ST18: variants seen among roughly 807,000 people sequenced by gnomAD.
The protein encoded by ST18 is ST18 C2H2C-type zinc finger transcription factor, also known as suppression of tumorigenicity 18 protein.
A neutral mutation model predicts 110.0 loss-of-function variants in ST18; 50 were observed. That is an observed-to-expected ratio of 0.45 (90% CI 0.36 to 0.58). The LOEUF (loss-of-function observed/expected upper bound fraction) is 0.58. Among genes scored for constraint, ST18 ranks in the 20% least tolerant of loss-of-function variants. ST18 has a pLI of 0.00. For synonymous variants in ST18, 461 were observed against 452.4 expected (o/e 1.02, Z -0.24); for missense variants, 1,306 against 1,280.1 (o/e 1.02, Z -0.31).
chr8:52,127,409 T>TA (rs1446085811), intron 22 of ST18, among the ~76,000 whole-genome samples: 1 of 152,234 alleles, frequency 6.6e-6, no homozygotes, highest in East Asian at 1.9e-4. Context: ...CTGTGGCCTA[T>TA]AAAAGTTTCA....
intron 17 of ST18, among the ~76,000 whole-genome samples, chr8:52,138,159 A>T (rs2053286915): frequency 6.6e-6 from 1 of 152,020 alleles, no homozygotes; most frequent in Non-Finnish European, 1.5e-5. Context: ...AATATTAGAA[A>T]CCCATGCTTT....
intron 2 of ST18, among the ~76,000 whole-genome samples, chr8:52,239,361 A>G (rs2093131791): frequency 6.6e-6 from 1 of 152,216 alleles, no homozygotes; most frequent in Non-Finnish European, 1.5e-5. Context: ...TGTGAATTAT[A>G]TCTCAAGAAA....
At chr8:52,329,747 C>T (rs1483857783) in intron 2 of ST18, among the ~76,000 whole-genome samples, 2 of 151,852 alleles carry the variant, frequency 1.3e-5, no homozygotes, top group African/African-American at 2.4e-5. Flanking sequence ...GGCCACAGAG[C>T]GAGGCTCTGT....
At chr8:52,329,741 A>G (rs1250265321) in intron 2 of ST18, among the ~76,000 whole-genome samples, 1 of 152,180 alleles carries the variant, frequency 6.6e-6, no homozygotes, top group Non-Finnish European at 1.5e-5. Flanking sequence ...AGCCTGGGCC[A>G]CAGAGCGAGG....
intron 2 of ST18, among the ~76,000 whole-genome samples, chr8:52,259,029 T>C (rs1345065934): frequency 1.3e-5 from 2 of 152,178 alleles, no homozygotes; most frequent in Non-Finnish European, 2.9e-5. Flanking sequence ...ACCTCATCCC[T>C]AGCTGTCCCT....
At chr8:52,368,946 C>T (rs930220342) in intron 2 of ST18, among the ~76,000 whole-genome samples, 1 of 152,164 alleles carries the variant, frequency 6.6e-6, no homozygotes, top group African/African-American at 2.4e-5. Context: ...CTCTTACATC[C>T]TGTTCCACTG....
intron 17 of ST18, among the ~76,000 whole-genome samples, chr8:52,141,215 C>G (rs532427663): frequency 6.6e-6 from 1 of 152,290 alleles, no homozygotes; most frequent in South Asian, 2.1e-4. Context: ...CGCTCACATA[C>G]CAGTAGGGCA....
rs150459175 is a variant in ST18, at chr8:52,139,442, G to A, written c.2169-1959C>T. On this transcript the variant is annotated intron_variant, in intron 17 of 25. Transcript: ENST00000689386. Reference sequence around the variant, plus strand: ...GCAATCTCGGCTCACTGCAAACTTCGCCTCCTGGGCTCAAGCGATTCTCCT... The same window carrying A: ...GCAATCTCGGCTCACTGCAAACTTCACCTCCTGGGCTCAAGCGATTCTCCT... Among the ~76,000 whole-genome samples the A allele has an allele frequency of 3.7e-3, 567 of 151,830 alleles. 3 individuals carry two copies. The highest frequency in any genetic ancestry group is 0.013 in the African/African-American group (531 of 41,388).
At chr8:52,163,078 C>T (rs1281209461) in intron 13 of ST18, among the ~76,000 whole-genome samples, 2 of 152,190 alleles carry the variant, frequency 1.3e-5, no homozygotes, top group Non-Finnish European at 2.9e-5. Flanking sequence ...AACTAACTTA[C>T]TTGGGGAGAA....
chr8:52,268,004 A>G (rs1194167257), intron 2 of ST18, among the ~76,000 whole-genome samples: 1 of 152,202 alleles, frequency 6.6e-6, no homozygotes, highest in African/African-American at 2.4e-5. Context: ...ACCCCAAAAT[A>G]TGAACGTGGT....
rs376858481 is a variant in ST18, at chr8:52,149,755, C to G, written c.2029G>C (p.Gly677Arg). The G allele has an allele frequency of 5.6e-6, 9 of 1,613,884 alleles. No homozygotes were observed. The highest frequency in any genetic ancestry group is 7.6e-6 in the Non-Finnish European group (9 of 1,179,970). ...DTPINYSKTH[G>R]KTEEEKEKDP... ...ACCTCTTTCTCCTCCTCTGTCTTCC[C>G]GTGAGTTTTGCTATAGTTGATAGGA... The change falls in exon 16 of 26, where the codon GGG (glycine) becomes CGG (arginine). Residue 677 changes from glycine to arginine, a missense_variant. Transcript: ENST00000689386.
chr8:52,309,428 G>A (rs2095864870), intron 2 of ST18, among the ~76,000 whole-genome samples: 1 of 150,206 alleles, frequency 6.7e-6, no homozygotes, highest in Admixed American at 6.7e-5. Flanking sequence ...GGCTGAGGCA[G>A]GAGAATTGAT....
At chr8:52,185,405 A>G (rs1320007020) in intron 8 of ST18, among the ~76,000 whole-genome samples, 1 of 152,200 alleles carries the variant, frequency 6.6e-6, no homozygotes, top group Non-Finnish European at 1.5e-5. Flanking sequence ...GATATTTCTT[A>G]GAAGTTTACA....
intron 2 of ST18, among the ~76,000 whole-genome samples, chr8:52,399,160 C>T (rs1428554117): frequency 6.6e-6 from 1 of 151,924 alleles, no homozygotes; most frequent in Non-Finnish European, 1.5e-5. Flanking sequence ...CTGATTCAAT[C>T]TTGGTAGGTT....
intron 8 of ST18, among the ~76,000 whole-genome samples, chr8:52,204,345 C>G (rs1234693183): frequency 6.6e-6 from 1 of 152,156 alleles, no homozygotes; most frequent in Non-Finnish European, 1.5e-5. Context: ...AAAGTCCAAC[C>G]TATGGTCTCT....
chr8:52,137,413 T>C lies in ST18; in HGVS notation c.2231+8A>G, dbSNP rs769099884. 69 of 1,614,002 alleles carry C rather than the reference T, an allele frequency of 4.3e-5. No individual in the cohort carries two copies. The highest frequency in any genetic ancestry group is 2.7e-4 in the Admixed American group (16 of 60,000). On this transcript the variant is annotated splice_region_variant and intron_variant, in intron 18 of 25. Transcript: ENST00000689386. ...GAAAATCTGACTGCACATGAGGTCA[T>C]TGGGTACCTGCGATGAGATGCATAG...
intron 11 of ST18, among the ~76,000 whole-genome samples, chr8:52,165,983 G>C (rs2062849365): frequency 1.3e-5 from 2 of 152,150 alleles, no homozygotes; most frequent in South Asian, 4.1e-4. Context: ...GGGTGGAGAG[G>C]GGGCCAAGGC....
At position 52,113,257 on chromosome 8, in the gene ST18, G is replaced by A; in HGVS notation, c.3085C>T (p.Pro1029Ser). 4 of 1,614,084 alleles carry A rather than the reference G, an allele frequency of 2.5e-6. No homozygotes were observed. Among genetic ancestry groups the A allele is most frequent in the Non-Finnish European group, 3.4e-6 (4 of 1,179,978 alleles). The change falls in exon 26 of 26, where the codon CCG (proline) becomes TCG (serine). Residue 1029 changes from proline to serine, a missense_variant. Pro to Ser is a moderately conservative substitution (Grantham distance 74). Transcript: ENST00000689386. ...MYSNLERDYS[P>S]ECKALLESIK... is the part of the protein sequence containing the mutation. ...CTTTCCAGTAGAGCTTTGCATTCCG[G>A]GGAATAGTCCCGTTCCAGATTGCTG...
intron 16 of ST18, among the ~76,000 whole-genome samples, chr8:52,144,682 T>G (rs924438320): frequency 3.9e-5 from 6 of 152,108 alleles, no homozygotes; most frequent in Non-Finnish European, 7.4e-5. Context: ...GGTAAATGTT[T>G]GAAAACAGAA....
Sources: allele counts gnomAD v4.1 joint callset (sites outside exome capture counted in the v4.1 genomes callset), GRCh38; gene constraint gnomAD v4.1.1; transcripts MANE v1.5; gene names NCBI Gene and HGNC (gene_info 2026-07-23, HGNC 2026-07-21).